Variants in SOX6 observed in about 807,000 individuals in gnomAD.
SOX6 encodes the protein SRY-box transcription factor 6.
Under a neutral mutation model 97.8 loss-of-function variants are expected in SOX6, and 11 were observed. That is an observed-to-expected ratio of 0.11 (90% CI 0.07 to 0.19). SOX6 has a LOEUF of 0.19. Among genes scored for constraint, SOX6 ranks in the 10% least tolerant of loss-of-function variants. The probability of loss-of-function intolerance (pLI) is 1.00; values close to 1 mark genes in which losing one functional copy is unlikely to be tolerated. For missense variants in SOX6, 810 were observed against 1,039.5 expected (o/e 0.78, Z 3.04); for synonymous variants, 360 against 371.4 (o/e 0.97, Z 0.35).
chr11:16,024,123 A>G (rs1855148993), intron 12 of SOX6, among the ~76,000 whole-genome samples: 1 of 152,126 alleles, frequency 6.6e-6, no homozygotes, highest in African/African-American at 2.4e-5. Context: ...GACACAAAAA[A>G]GGACACCAGG....
At chr11:16,218,211 G>C (rs1025196191) in intron 4 of SOX6, among the ~76,000 whole-genome samples, 3 of 151,144 alleles carry the variant, frequency 2.0e-5, no homozygotes, top group Admixed American at 6.6e-5. Flanking sequence ...CAAATGGAAA[G>C]GGCCACTTTT....
chr11:16,203,438 A>C (rs1249908073), intron 4 of SOX6, among the ~76,000 whole-genome samples: 1 of 152,166 alleles, frequency 6.6e-6, no homozygotes, highest in Non-Finnish European at 1.5e-5. Flanking sequence ...GTTTTTGGCC[A>C]ATATATTTCT....
chr11:16,549,253 T>G (rs575125052), intron 4 of SOX6, among the ~76,000 whole-genome samples: 121 of 152,256 alleles, frequency 7.9e-4, no homozygotes, highest in African/African-American at 1.8e-3. Flanking sequence ...CACTGCAACG[T>G]CCGCCTCCCG....
chr11:16,283,870 A>G (rs1236382921), intron 3 of SOX6: 1 of 411,414 alleles, frequency 2.4e-6, no homozygotes. Flanking sequence ...TTCAGCAGTT[A>G]TGGTTTAAAA....
Position 16,366,953 on chromosome 11 carries a change from C to T in SOX6, c.-4-25701G>A, listed in dbSNP as rs956175092. Among the ~76,000 whole-genome samples the T allele has an allele frequency of 3.3e-5, 5 of 152,266 alleles. No individual in the cohort carries two copies. In the South Asian group the frequency reaches 8.3e-4, roughly 25 times the overall value. On this transcript the variant is annotated intron_variant, in intron 1 of 15. Coordinates refer to the SOX6 transcript ENST00000396356. ...TAATCAATAACTCTTATAAAGATAACTACACCCCCTAAATCTATAAAAATT... is the reference window on the plus strand; with the variant it reads ...TAATCAATAACTCTTATAAAGATAATTACACCCCCTAAATCTATAAAAATT...
intron 1 of SOX6, among the ~76,000 whole-genome samples, chr11:16,404,184 C>G (rs1858630234): frequency 6.6e-6 from 1 of 151,704 alleles, no homozygotes; most frequent in Non-Finnish European, 1.5e-5. Flanking sequence ...TGTTTTTTAC[C>G]AAGTGAAATC....
chr11:16,600,480 T>C (rs1016927251), intron 4 of SOX6, among the ~76,000 whole-genome samples: 1 of 152,216 alleles, frequency 6.6e-6, no homozygotes, highest in Non-Finnish European at 1.5e-5. Context: ...CATGTTCCCT[T>C]TTTTAAGACT....
At chr11:16,097,587 A>AT (rs759343130) in intron 8 of SOX6, 22 bp downstream of exon 8, 5 of 1,607,942 alleles carry the variant, frequency 3.1e-6, no homozygotes, top group South Asian at 2.2e-5. Context: ...CATATCCCAC[A>AT]TTTTTTTCTT....
intron 4 of SOX6, among the ~76,000 whole-genome samples, chr11:16,506,153 C>T (rs1008729720): frequency 1.3e-5 from 2 of 152,218 alleles, no homozygotes; most frequent in African/African-American, 4.8e-5. Flanking sequence ...GGAAAAGCCA[C>T]AGGCACTCAA....
chr11:16,722,951 T>C (rs1439462500), intron 2 of SOX6, among the ~76,000 whole-genome samples: 4 of 152,130 alleles, frequency 2.6e-5, no homozygotes, highest in Non-Finnish European at 1.5e-5. Context: ...AGAACTACCA[T>C]TCAATCCAGG....
At chr11:16,110,157 A>G (rs16932570) in intron 7 of SOX6, among the ~76,000 whole-genome samples, 1,616 of 152,314 alleles carry the variant, frequency 0.011, 63 homozygotes, top group East Asian at 0.1. Flanking sequence ...TACGTCTAAC[A>G]GAAAATAAGA....
Position 16,517,511 on chromosome 11 carries a change from A to T in SOX6, n.610-41123T>A, listed in dbSNP as rs141214785. On this transcript the variant is annotated intron_variant and non_coding_transcript_variant, in intron 4 of 5. Transcript: ENST00000524520. The stretch of plus-strand genomic sequence containing the variant: ...GAAAATATAAAATTTTACAATCAAG[A>T]CATCATTATAACCACTCAAAATAGT... Among the ~76,000 whole-genome samples, 183 of 152,322 alleles carry T rather than the reference A, an allele frequency of 1.2e-3. 4 individuals carry two copies. In the East Asian group the frequency reaches 0.03, roughly 25 times the overall value.
upstream of SOX6, among the ~76,000 whole-genome samples, chr11:16,360,152 T>C (rs1857172517): frequency 6.6e-6 from 1 of 152,168 alleles, no homozygotes; most frequent in African/African-American, 2.4e-5. Context: ...GTAAATATCA[T>C]TGTCCCCCAT....
At chr11:16,531,864 A>C (rs2133170100) in intron 4 of SOX6, among the ~76,000 whole-genome samples, 1 of 151,922 alleles carries the variant, frequency 6.6e-6, no homozygotes, top group East Asian at 1.9e-4. Flanking sequence ...TCGCTTAAGG[A>C]CAAGAGTCTA....
intron 3 of SOX6, among the ~76,000 whole-genome samples, chr11:16,712,126 A>G (rs1848186196): frequency 6.8e-6 from 1 of 147,522 alleles, no homozygotes; most frequent in Non-Finnish European, 1.5e-5. Context: ...CACACACCAC[A>G]GTTTCTTTAA....
At chr11:16,131,296 T>C (rs1849733741) in intron 6 of SOX6, among the ~76,000 whole-genome samples, 4 of 151,934 alleles carry the variant, frequency 2.6e-5, no homozygotes, top group Non-Finnish European at 5.9e-5. Context: ...ATCAAAGAGT[T>C]GAATAGACAA....
intron 4 of SOX6, among the ~76,000 whole-genome samples, chr11:16,551,792 G>A (rs1273019430): frequency 2.6e-5 from 4 of 151,792 alleles, no homozygotes; most frequent in African/African-American, 7.3e-5. Flanking sequence ...TTTTAGTAGA[G>A]ATGGGTTTCA....
intron 3 of SOX6, among the ~76,000 whole-genome samples, chr11:16,673,381 A>G (rs1847861177): frequency 6.6e-6 from 1 of 152,160 alleles, no homozygotes; most frequent in Non-Finnish European, 1.5e-5. Flanking sequence ...AAAAAAAGAG[A>G]AAAAACTCAA....
chr11:16,689,449 T>C (rs1330718771), intron 3 of SOX6, among the ~76,000 whole-genome samples: 1 of 152,226 alleles, frequency 6.6e-6, no homozygotes, highest in Non-Finnish European at 1.5e-5. Context: ...GGATCACTAT[T>C]ATTGCCTGAT....
Sources: allele counts gnomAD v4.1 joint callset (sites outside exome capture counted in the v4.1 genomes callset), GRCh38; gene constraint gnomAD v4.1.1; transcripts MANE v1.5; gene names NCBI Gene and HGNC (gene_info 2026-07-23, HGNC 2026-07-21).